PRKDC: variants seen among roughly 807,000 people sequenced by gnomAD.
The protein encoded by PRKDC is DNA-dependent protein kinase catalytic subunit.
Under a neutral mutation model 486.9 loss-of-function variants are expected in PRKDC, and 82 were observed. The observed-to-expected ratio is 0.17, with a 90% CI of 0.14 to 0.20. The LOEUF is 0.20. PRKDC is among the 10% of genes least tolerant of loss of function. The pLI, the probability that PRKDC is intolerant of heterozygous loss-of-function variation, is 1.00. For missense variants in PRKDC, 4,504 were observed against 5,038.2 expected (o/e 0.89, Z 3.21); for synonymous variants, 1,895 against 1,837.0 (o/e 1.03, Z -0.81).
chr8:47,821,040 G>T (rs1290476384), intron 65 of PRKDC, 97 bp from the exon 66 acceptor site: 12 of 754,780 alleles, frequency 1.6e-5, no homozygotes, highest in Non-Finnish European at 2.3e-5. Flanking sequence ...ACTTTCACAG[G>T]TCAAGATTTA....
chr8:47,948,222 C>A (rs1361842267), intron 7 of PRKDC, among the ~76,000 whole-genome samples: 1 of 151,860 alleles, frequency 6.6e-6, no homozygotes, highest in Non-Finnish European at 1.5e-5. Flanking sequence ...CGGGTCACTG[C>A]AGCCTCTGCC....
rs187818757 is a variant in PRKDC at position 47,850,739 on chromosome 8, A to C, written c.7006-1236T>G. Among the ~76,000 whole-genome samples the C allele has an allele frequency of 2.0e-4, 30 of 152,376 alleles. No individual in the cohort carries two copies. In the East Asian group the frequency reaches 5.2e-3, roughly 26 times the overall value. On this transcript the variant is annotated intron_variant, in intron 52 of 85. Transcript: ENST00000314191. The stretch of plus-strand genomic sequence containing the variant: ...AAAACAGTATGAATAACAGAGACCA[A>C]GAACAGTGGAGCTGTGTGCCACAGG...
At chr8:47,810,790 AAC>A (rs1173550146) in intron 68 of PRKDC, among the ~76,000 whole-genome samples, 1 of 152,230 alleles carries the variant, frequency 6.6e-6, no homozygotes, top group Non-Finnish European at 1.5e-5. Flanking sequence ...CCTAAGATAA[AAC>A]AGTCACTAGA....
rs533311726 is a variant in PRKDC at position 47,927,424 on chromosome 8, T to C, written c.2260-71A>G. On this transcript the variant is annotated intron_variant, in intron 20 of 85. Transcript: ENST00000314191. Reference sequence around the variant, plus strand: ...AGATTTAGAGGAAAAAAACACCAAGTAATTGTGATTTCTAATTAATACTCC... The same window carrying C: ...AGATTTAGAGGAAAAAAACACCAAGCAATTGTGATTTCTAATTAATACTCC... The C allele has an allele frequency of 2.0e-6, 3 of 1,472,814 alleles. No homozygotes were observed. In the African/African-American group the frequency reaches 4.3e-5, roughly 21 times the overall value. The allele number at this position is 1,472,814 out of a possible 1,614,324, so 91.2% of individuals were successfully genotyped here.
At position 47,890,430 on chromosome 8, in the gene PRKDC, T is replaced by C. The variant is rs368949953; in HGVS notation, c.3898A>G (p.Ser1300Gly). ...GCTATAATGTCATGCATGGCAATGC[T>C]TTCTAAGAAGAAAGCCACTGCTTTC... ...LLKAVAFFLE[S>G]IAMHDIIAAE... is the part of the protein sequence containing the mutation. Residue 1300 changes from serine to glycine, a missense_variant, in exon 32 of 86, where the codon AGC becomes GGC. Ser to Gly is a moderately conservative substitution (Grantham distance 56). This residue lies in a region of PRKDC where 1,969 missense variants were observed against 2,068.9 expected (regional missense o/e 0.95). Transcript: ENST00000314191. 718 of 1,590,322 alleles carry C rather than the reference T, an allele frequency of 4.5e-4. 9 individuals are homozygous for C. The South Asian group carries it at 6.4e-3, about 14-fold the overall frequency.
intron 57 of PRKDC, 22 bp from the exon 58 acceptor site, chr8:47,836,549 A>C (rs2088029024): frequency 1.3e-6 from 2 of 1,548,576 alleles, no homozygotes; most frequent in Admixed American, 1.9e-5. Context: ...AAAGTTTCAA[A>C]TGAAATAAAG....
chr8:47,782,436 C>T lies in PRKDC; in HGVS notation c.11338G>A (p.Ala3780Thr), dbSNP rs775298345. 5.5e-5 allele frequency: 88 copies of T among 1,598,844 alleles called. No homozygotes were observed. The highest frequency in any genetic ancestry group is 9.4e-5 in the African/African-American group (7 of 74,692). The change falls in exon 79 of 86, where the codon GCC (alanine) becomes ACC (threonine). Residue 3780 changes from alanine (A) to threonine (T), a missense_variant. Around this residue, in one of 6 missense-constraint regions of PRKDC, gnomAD observed 706 missense variants for 945.0 expected, o/e 0.75. Coordinates refer to ENST00000314191, the MANE Select transcript of PRKDC (RefSeq NM_006904.7). This position sits in a 1 kb window ranked among gnomAD's most constrained non-coding sequence, Gnocchi z 4.9. The stretch of plus-strand genomic sequence containing the variant: ...AGCTGCAGGGCCCTCTGGCTGCAGG[C>T]GGAGTCTTGGGCCAGGATCCCATTC... ...VMNGILAQDS[A>T]CSQRALQLRT...
intron 44 of PRKDC, among the ~76,000 whole-genome samples, 180 bp from the exon 45 acceptor site, chr8:47,861,151 T>C (rs895933523): frequency 1.5e-4 from 23 of 152,206 alleles, no homozygotes; most frequent in African/African-American, 5.1e-4. Context: ...AGGAAAGCCC[T>C]TCCTGCAGAT....
intron 54 of PRKDC, among the ~76,000 whole-genome samples, chr8:47,846,701 G>GAAGAAAT (rs1259039440): frequency 1.3e-5 from 2 of 152,114 alleles, no homozygotes; most frequent in African/African-American, 4.8e-5. Context: ...AATAGGAAAA[G>GAAGAAAT]AAGAAATCAA....
intron 49 of PRKDC, 53 bp from the exon 50 acceptor site, chr8:47,855,426 C>G (rs188032669): frequency 2.8e-5 from 41 of 1,467,328 alleles, no homozygotes; most frequent in Middle Eastern, 3.8e-4. Context: ...TTCTGGAAAG[C>G]ATTTTTTAAC....
intron 32 of PRKDC, 126 bp downstream of exon 32, chr8:47,890,131 T>TAAC: frequency 4.5e-6 from 1 of 221,880 alleles, no homozygotes; most frequent in Non-Finnish European, 6.9e-6. Context: ...GGATGAAATA[T>TAAC]AATAATAATA....
chr8:47,848,398 T>C (rs1051828046), intron 54 of PRKDC, among the ~76,000 whole-genome samples: 3 of 152,164 alleles, frequency 2.0e-5, no homozygotes, highest in Non-Finnish European at 2.9e-5. Context: ...AAGCAAATAC[T>C]GCATGTACTT....
chr8:47,940,336 GAACT>G (rs1374565478), intron 10 of PRKDC, among the ~76,000 whole-genome samples: 9 of 152,164 alleles, frequency 5.9e-5, no homozygotes, highest in South Asian at 4.1e-4. Flanking sequence ...CTAAATGCAA[GAACT>G]AATACAGGTA....
rs749506017 is a variant in PRKDC, at chr8:47,864,570, A to C, written c.5557T>G (p.Ser1853Ala). The change falls in exon 41 of 86, where the codon TCC becomes GCC. Residue 1853 changes from serine to alanine, a missense_variant. Physicochemically the swap from Ser to Ala is moderately conservative, Grantham distance 99. Around this residue, in one of 6 missense-constraint regions of PRKDC, gnomAD observed 1,969 missense variants for 2,068.9 expected, o/e 0.95. Coordinates refer to ENST00000314191, the MANE Select transcript of PRKDC (RefSeq NM_006904.7). ...GCGTATGATACCTTTGTAAACCTGG[A>C]CTTCAACACATCAATGGCATCCACC... ...IVVDAIDVLK[S>A]RFTKLNESTF... 3.7e-6 allele frequency: 6 copies of C among 1,608,352 alleles called. No homozygotes were observed. The highest frequency in any genetic ancestry group is 5.1e-6 in the Non-Finnish European group (6 of 1,177,924).
rs765057141 is a variant in PRKDC at position 47,852,769 on chromosome 8, C to T, written c.6909G>A (p.Leu2303=). 1.0e-4 allele frequency: 156 copies of T among 1,567,264 alleles called. No homozygotes were observed. The highest frequency in any genetic ancestry group is 1.3e-4 in the Non-Finnish European group (145 of 1,154,496). ...GIQSSEYFQA[L]VNNMSFVRYK... The stretch of plus-strand genomic sequence containing the variant: ...ATCTTACAAAGGACATATTATTCAC[C>T]AAAGCCTGGAAGTATCTACAATAAA... Residue 2303 remains leucine (L), a synonymous_variant, in exon 52 of 86, where the codon TTG becomes TTA. Coordinates refer to ENST00000314191, the MANE Select transcript of PRKDC (RefSeq NM_006904.7).
At chr8:47,804,290 A>G (rs931366518) in intron 69 of PRKDC, among the ~76,000 whole-genome samples, 10 of 148,034 alleles carry the variant, frequency 6.8e-5, no homozygotes, top group Admixed American at 3.4e-4. Context: ...TTGCACGGAC[A>G]TGCCACTTTT....
intron 76 of PRKDC, among the ~76,000 whole-genome samples, chr8:47,786,441 G>A (rs1331259124): frequency 6.6e-6 from 1 of 152,030 alleles, no homozygotes; most frequent in Non-Finnish European, 1.5e-5. Flanking sequence ...ATGGTTAGTA[G>A]TGACTTTTAG....
chr8:47,834,509 C>T, intron 58 of PRKDC, 113 bp from the exon 59 acceptor site: 2 of 1,110,196 alleles, frequency 1.8e-6, no homozygotes, highest in Non-Finnish European at 2.6e-6. Flanking sequence ...GTGCTCAACT[C>T]CAACCCTGGG....
At chr8:47,938,068 T>A (rs1052812100) in intron 11 of PRKDC, among the ~76,000 whole-genome samples, 9 of 152,018 alleles carry the variant, frequency 5.9e-5, no homozygotes, top group Non-Finnish European at 7.4e-5. Context: ...GAGTTATGAT[T>A]GTACCACTAC....
Sources: allele counts gnomAD v4.1 joint callset (sites outside exome capture counted in the v4.1 genomes callset), GRCh38; gene constraint gnomAD v4.1.1; regional missense constraint gnomAD v4.1.1; non-coding constraint Gnocchi (gnomAD v3.1); transcripts MANE v1.5; gene names NCBI Gene and HGNC (gene_info 2026-07-23, HGNC 2026-07-21).